CLSTN2: variants seen among roughly 807,000 people sequenced by gnomAD.
CLSTN2 encodes calsyntenin-2.
A neutral mutation model predicts 101.2 loss-of-function variants in CLSTN2; 48 were observed. The ratio of observed to expected loss-of-function variants is 0.47; its 90% CI spans 0.38 to 0.60. The LOEUF (loss-of-function observed/expected upper bound fraction) is 0.60. Ranked by LOEUF, CLSTN2 falls within the 20% of genes least tolerant of loss-of-function variation. The pLI is 0.00. For synonymous variants in CLSTN2, 481 were observed against 463.6 expected (o/e 1.04, Z -0.48); for missense variants, 1,160 against 1,238.2 (o/e 0.94, Z 0.95).
At chr3:140,227,461 C>T (rs1351712574) in intron 2 of CLSTN2, among the ~76,000 whole-genome samples, 2 of 152,194 alleles carry the variant, frequency 1.3e-5, no homozygotes, top group South Asian at 2.1e-4. Context: ...TCCCGGCTGT[C>T]CTCATGGGCT....
At chr3:140,026,563 G>T (rs577203283) in intron 1 of CLSTN2, among the ~76,000 whole-genome samples, 1 of 152,310 alleles carries the variant, frequency 6.6e-6, no homozygotes, top group East Asian at 1.9e-4. Context: ...GTTTCTTATT[G>T]GATTGATCAC....
At chr3:140,163,520 C>A (rs1031811697) in intron 1 of CLSTN2, among the ~76,000 whole-genome samples, 4 of 151,818 alleles carry the variant, frequency 2.6e-5, no homozygotes, top group Non-Finnish European at 4.4e-5. Flanking sequence ...CTCTGGTGAA[C>A]CCTGACTGTT....
At chr3:139,985,572 T>A (rs1936009501) in intron 1 of CLSTN2, among the ~76,000 whole-genome samples, 1 of 152,206 alleles carries the variant, frequency 6.6e-6, no homozygotes, top group African/African-American at 2.4e-5. Flanking sequence ...ATTGTGTATT[T>A]ATGTTCCCAC....
intron 2 of CLSTN2, among the ~76,000 whole-genome samples, chr3:140,220,688 A>T (rs1377502442): frequency 1.3e-5 from 2 of 152,244 alleles, no homozygotes; most frequent in African/African-American, 4.8e-5. Context: ...TGCTTCCATG[A>T]TGCTTTCTAT....
chr3:140,467,345 C>A (rs543259556), intron 8 of CLSTN2, among the ~76,000 whole-genome samples: 1 of 152,212 alleles, frequency 6.6e-6, no homozygotes, highest in African/African-American at 2.4e-5. Context: ...GGAGCATTAA[C>A]GGTGGAAGTA....
intron 1 of CLSTN2, among the ~76,000 whole-genome samples, chr3:140,084,396 A>ACC (rs2008646763): frequency 6.6e-6 from 1 of 152,068 alleles, no homozygotes; most frequent in African/African-American, 2.4e-5. Flanking sequence ...AAAGACCTTA[A>ACC]CCCCCTGTAT....
intron 8 of CLSTN2, among the ~76,000 whole-genome samples, chr3:140,486,404 A>G (rs1934242563): frequency 6.6e-6 from 1 of 152,196 alleles, no homozygotes; most frequent in Non-Finnish European, 1.5e-5. Flanking sequence ...CATATAATGT[A>G]TTTAAGGGCA....
chr3:140,146,969 A>G (rs750333614), intron 1 of CLSTN2, among the ~76,000 whole-genome samples: 1 of 152,262 alleles, frequency 6.6e-6, no homozygotes, highest in Non-Finnish European at 1.5e-5. Flanking sequence ...TACAGAGACA[A>G]TACAACCAGC....
At chr3:140,024,882 G>A (rs2007386835) in intron 1 of CLSTN2, among the ~76,000 whole-genome samples, 1 of 152,194 alleles carries the variant, frequency 6.6e-6, no homozygotes, top group African/African-American at 2.4e-5. Context: ...CTCAATAAAT[G>A]GTAGTTGTGG....
chr3:139,941,766 A>C (rs2107806789), intron 1 of CLSTN2, among the ~76,000 whole-genome samples: 1 of 152,332 alleles, frequency 6.6e-6, no homozygotes. Context: ...GCACGAGTGA[A>C]GAGGGAGCTC....
At chr3:140,294,485 G>T (rs1048725282) in intron 2 of CLSTN2, among the ~76,000 whole-genome samples, 15 of 151,644 alleles carry the variant, frequency 9.9e-5, no homozygotes, top group African/African-American at 2.2e-4. Flanking sequence ...GTGACAAATT[G>T]TTCCCCAGCT....
chr3:140,284,240 T>C (rs1249058523), intron 2 of CLSTN2, among the ~76,000 whole-genome samples: 3 of 152,010 alleles, frequency 2.0e-5, no homozygotes, highest in Non-Finnish European at 4.4e-5. Context: ...CTAAATTCTA[T>C]TATTTTTTTT....
At chr3:140,444,636 G>A (rs554193076) in intron 5 of CLSTN2, among the ~76,000 whole-genome samples, 1 of 152,262 alleles carries the variant, frequency 6.6e-6, no homozygotes, top group East Asian at 1.9e-4. Flanking sequence ...TGAATAAACG[G>A]TAATTTACCA....
chr3:140,185,459 C>T (rs1310651921), intron 2 of CLSTN2, among the ~76,000 whole-genome samples: 3 of 152,154 alleles, frequency 2.0e-5, no homozygotes, highest in Admixed American at 6.5e-5. Context: ...CATGCTTCGT[C>T]GACAAGTAAT....
intron 1 of CLSTN2, among the ~76,000 whole-genome samples, chr3:140,050,223 T>A (rs1295309563): frequency 6.6e-6 from 1 of 152,202 alleles, no homozygotes; most frequent in East Asian, 1.9e-4. Flanking sequence ...GTTTCTCACC[T>A]GGGAACAGGG....
At chr3:140,271,119 G>A (rs1474637439) in intron 2 of CLSTN2, among the ~76,000 whole-genome samples, 4 of 152,062 alleles carry the variant, frequency 2.6e-5, no homozygotes, top group South Asian at 2.1e-4. Flanking sequence ...CTGATGGCTC[G>A]GTGCATCATT....
chr3:140,072,232 T>C (rs551521130), intron 1 of CLSTN2, among the ~76,000 whole-genome samples: 1 of 152,326 alleles, frequency 6.6e-6, no homozygotes, highest in African/African-American at 2.4e-5. Context: ...TATCCATTAG[T>C]AGGGTTTCAT....
At position 140,205,624 on chromosome 3, in the gene CLSTN2, C is replaced by CGCCG. The variant is rs751826679; in HGVS notation, c.232+29551_232+29552insGCCG. Among the ~76,000 whole-genome samples the CGCCG allele has an allele frequency of 3.7e-5, 4 of 108,246 alleles. No individual in the cohort carries two copies. In the Admixed American group the frequency reaches 4.2e-4, roughly 11 times the overall value. 71.0% of individuals were successfully genotyped at this position (108,246 alleles called of 152,430 possible). On this transcript the variant is annotated intron_variant, in intron 2 of 16. Coordinates refer to ENST00000458420, the MANE Select transcript of CLSTN2 (RefSeq NM_022131.3). ...TGTTGTTTGGACCTGACCCGCCCCCCACCCACACACACACACAGCCACCTG... is the reference window on the plus strand; with the variant it reads ...TGTTGTTTGGACCTGACCCGCCCCCCGCCGACCCACACACACACACAGCCACCTG...
intron 2 of CLSTN2, among the ~76,000 whole-genome samples, chr3:140,360,152 C>T (rs2087712927): frequency 6.6e-6 from 1 of 152,118 alleles, no homozygotes; most frequent in African/African-American, 2.4e-5. Flanking sequence ...TTTGAGAACT[C>T]ATCTCCCCCT....
Sources: gnomAD v4.1 joint callset for allele counts (sites outside exome capture counted in the v4.1 genomes callset) on GRCh38, gnomAD v4.1.1 for gene constraint, MANE v1.5 for transcripts, NCBI Gene and HGNC (gene_info 2026-07-23, HGNC 2026-07-21) for gene names.